Variants in C5 observed in about 807,000 individuals in gnomAD.
The protein encoded by C5 is C3 and PZP-like alpha-2-macroglobulin domain-containing protein 4.
A neutral mutation model predicts 218.8 loss-of-function variants in C5; 140 were observed. The observed-to-expected ratio is 0.64, with a 90% CI of 0.56 to 0.74. The LOEUF (loss-of-function observed/expected upper bound fraction) is 0.74, where lower values mean the gene tolerates loss of function less well. Ranked by LOEUF, C5 falls within the 30% of genes least tolerant of loss-of-function variation. The pLI is 0.00. For synonymous variants in C5, 614 were observed against 682.3 expected (o/e 0.90, Z 1.56); for missense variants, 1,700 against 1,969.6 (o/e 0.86, Z 2.59).
chr9:121,017,636 G>C lies in C5; in HGVS notation c.1716+7C>G, dbSNP rs764673418. ...AATTCAATTGTGACTTATAATTTGT[G>C]GCTTACCTGGAGCTGGTTGCCACAT... On this transcript the variant is annotated splice_region_variant and intron_variant, in intron 13 of 40. Coordinates refer to ENST00000223642, the MANE Select transcript of C5 (RefSeq NM_001735.3). 26 of 1,611,796 alleles carry C rather than the reference G, an allele frequency of 1.6e-5. No homozygotes were observed. Among genetic ancestry groups the C allele is most frequent in the Non-Finnish European group, 5.1e-6 (6 of 1,178,392 alleles).
intron 12 of C5, among the ~76,000 whole-genome samples, chr9:121,018,688 G>A (rs1370975722): frequency 3.8e-5 from 5 of 131,544 alleles, no homozygotes; most frequent in Admixed American, 1.5e-4. Flanking sequence ...AGAAGGGAGG[G>A]AGGGAGGGAA....
chr9:120,957,489 T>C, intron 38 of C5, 121 bp from the exon 39 acceptor site: 1 of 741,642 alleles, frequency 1.3e-6, no homozygotes, highest in South Asian at 1.4e-5. Context: ...ATAGTTCTTA[T>C]TTCCTCCAAG....
intron 29 of C5, among the ~76,000 whole-genome samples, chr9:120,975,465 T>A (rs991980188): frequency 6.6e-6 from 1 of 152,216 alleles, no homozygotes; most frequent in African/African-American, 2.4e-5. Context: ...TTTGAATGTG[T>A]CCCCCAAAGT....
chr9:121,010,667 G>T (rs1243691112), intron 17 of C5, among the ~76,000 whole-genome samples: 1 of 151,996 alleles, frequency 6.6e-6, no homozygotes, highest in East Asian at 1.9e-4. Flanking sequence ...CAAAAGACCA[G>T]AATAGCCAAA....
intron 20 of C5, among the ~76,000 whole-genome samples, chr9:121,004,772 TG>T (rs2047202558): frequency 6.6e-6 from 1 of 151,536 alleles, no homozygotes; most frequent in Non-Finnish European, 1.5e-5. Context: ...GACCCCATCT[TG>T]AAAAAAAAAG....
intron 1 of C5, among the ~76,000 whole-genome samples, chr9:121,047,330 T>C (rs1588002142): frequency 6.6e-6 from 1 of 152,366 alleles, no homozygotes; most frequent in Admixed American, 6.5e-5. Context: ...GACTGTTCTC[T>C]TATTTTTACT....
intron 22 of C5, among the ~76,000 whole-genome samples, chr9:120,993,137 A>ACC (rs2047089241): frequency 6.6e-6 from 1 of 152,214 alleles, no homozygotes; most frequent in Admixed American, 6.5e-5. Flanking sequence ...TAAAAATGCC[A>ACC]CATTTTAGAG....
the C5 span, among the ~76,000 whole-genome samples, chr9:121,072,828 A>AG: frequency 3.3e-5 from 5 of 151,322 alleles, no homozygotes. Flanking sequence ...AAAAAAAAAA[A>AG]AAAAGAAAAG....
At chr9:121,007,409 T>C (rs1164926050) in intron 18 of C5, among the ~76,000 whole-genome samples, 1 of 152,232 alleles carries the variant, frequency 6.6e-6, no homozygotes. Flanking sequence ...TTGTATCAGG[T>C]ATAGTGCTGA....
At chr9:121,015,106 T>G in intron 16 of C5, 93 bp downstream of exon 16, 5 of 799,240 alleles carry the variant, frequency 6.3e-6, no homozygotes, top group Non-Finnish European at 8.5e-6. Context: ...TTCATTTTAT[T>G]TCAATTAGGG....
At chr9:121,007,784 T>A (rs2047227866) in intron 18 of C5, among the ~76,000 whole-genome samples, 1 of 152,198 alleles carries the variant, frequency 6.6e-6, no homozygotes, top group African/African-American at 2.4e-5. Context: ...GAAGGTTTAC[T>A]AGAGGACATG....
intron 25 of C5, among the ~76,000 whole-genome samples, chr9:120,986,293 C>CT (rs1300363344): frequency 1.3e-5 from 2 of 150,448 alleles, no homozygotes; most frequent in Non-Finnish European, 3.0e-5. Flanking sequence ...AGTGAATGCC[C>CT]TTGGGGGAAA....
intron 33 of C5, among the ~76,000 whole-genome samples, 159 bp from the exon 34 acceptor site, chr9:120,963,897 A>C (rs1280847317): frequency 2.6e-5 from 4 of 152,190 alleles, no homozygotes; most frequent in African/African-American, 9.7e-5. Flanking sequence ...TAGAGTTGCA[A>C]GAGATCTTTG....
In C5 at chr9:121,041,297, C is replaced by CTTTTTTTTTTTT. The variant is rs386416117; in HGVS notation, c.421+1695_421+1706dup. ...CTGATAGAGAAATAATACATGAAGC[C>CTTTTTTTTTTTT]TTTTTTTTTTTTTTTTTTTTTTGCT... On this transcript the variant is annotated intron_variant, in intron 3 of 40. Coordinates refer to ENST00000223642, the MANE Select transcript of C5 (RefSeq NM_001735.3). Among the ~76,000 whole-genome samples the CTTTTTTTTTTTT allele has an allele frequency of 1.6e-3, 116 of 72,670 alleles. 9 individuals carry two copies. Among genetic ancestry groups the CTTTTTTTTTTTT allele is most frequent in the Non-Finnish European group, 1.8e-3 (74 of 41,804 alleles). 47.7% of individuals were successfully genotyped at this position (72,670 alleles called of 152,430 possible).
upstream of C5, among the ~76,000 whole-genome samples, chr9:121,052,465 A>G (rs1661804290): frequency 6.6e-6 from 1 of 151,858 alleles, no homozygotes; most frequent in South Asian, 2.1e-4. Context: ...AAAAAAAAAA[A>G]AAAAAAAAGA....
intron 12 of C5, among the ~76,000 whole-genome samples, chr9:121,019,749 A>G (rs572974554): frequency 6.6e-6 from 1 of 152,366 alleles, no homozygotes; most frequent in African/African-American, 2.4e-5. Flanking sequence ...AGTAACCATC[A>G]TAAGTCTTTT....
chr9:120,988,579 T>C (rs1366353949), intron 25 of C5, among the ~76,000 whole-genome samples: 1 of 152,000 alleles, frequency 6.6e-6, no homozygotes, highest in Non-Finnish European at 1.5e-5. Context: ...GTATAGGAGA[T>C]AAAGTAGGAG....
At chr9:121,066,235 C>G in the C5 span, among the ~76,000 whole-genome samples, 3 of 149,590 alleles carry the variant, frequency 2.0e-5, no homozygotes, top group Non-Finnish European at 3.0e-5. Context: ...TCACTTGAAC[C>G]CGGGAGGCAG....
chr9:121,058,322 A>G, the C5 span, among the ~76,000 whole-genome samples: 1 of 152,204 alleles, frequency 6.6e-6, no homozygotes, highest in Non-Finnish European at 1.5e-5. Context: ...AATTTGCAGA[A>G]ATTTCGATTT....
Sources: gnomAD v4.1 joint callset for allele counts (sites outside exome capture counted in the v4.1 genomes callset) on GRCh38, gnomAD v4.1.1 for gene constraint, MANE v1.5 for transcripts, NCBI Gene and HGNC (gene_info 2026-07-23, HGNC 2026-07-21) for gene names.